The following GALNT13 variants were observed in gnomAD, a reference collection of about 807,000 sequenced individuals.
The protein encoded by GALNT13 is UDP-GalNAc:polypeptide N-acetylgalactosaminyltransferase 13.
Under a neutral mutation model 64.2 loss-of-function variants are expected in GALNT13, and 28 were observed. The ratio of observed to expected loss-of-function variants is 0.44; its 90% CI spans 0.32 to 0.60. The LOEUF (loss-of-function observed/expected upper bound fraction) is 0.60. Among genes scored for constraint, GALNT13 ranks in the 20% least tolerant of loss-of-function variants. The pLI, the probability that GALNT13 is intolerant of heterozygous loss-of-function variation, is 0.05. For missense variants in GALNT13, 577 were observed against 669.8 expected (o/e 0.86, Z 1.53); for synonymous variants, 214 against 224.6 (o/e 0.95, Z 0.42).
the GALNT13 span, among the ~76,000 whole-genome samples, chr2:153,734,715 A>G: frequency 2.0e-5 from 3 of 152,148 alleles, no homozygotes; most frequent in East Asian, 5.8e-4. Flanking sequence ...TCCTCCCTAG[A>G]CTGTGACTCT....
intron 4 of GALNT13, among the ~76,000 whole-genome samples, chr2:154,144,538 A>T (rs976462745): frequency 6.6e-6 from 1 of 152,182 alleles, no homozygotes; most frequent in Non-Finnish European, 1.5e-5. Context: ...ACTTGAGTTG[A>T]TACTTAGAAA....
At chr2:153,426,487 A>G in the GALNT13 span, among the ~76,000 whole-genome samples, 1 of 152,004 alleles carries the variant, frequency 6.6e-6, no homozygotes. Flanking sequence ...TACAGATTAA[A>G]CTAGTCTTGT....
chr2:154,031,794 G>A (rs1373959523), intron 3 of GALNT13, among the ~76,000 whole-genome samples: 3 of 151,818 alleles, frequency 2.0e-5, no homozygotes, highest in Admixed American at 6.6e-5. Context: ...AGGATAAATA[G>A]ATAAATCCAT....
At chr2:153,472,817 T>G in the GALNT13 span, among the ~76,000 whole-genome samples, 1 of 152,364 alleles carries the variant, frequency 6.6e-6, no homozygotes, top group Non-Finnish European at 1.5e-5. Context: ...TTAGTGTATA[T>G]TGTTATTTAG....
chr2:154,356,202 A>G (rs1425954918), intron 9 of GALNT13, among the ~76,000 whole-genome samples: 2 of 151,994 alleles, frequency 1.3e-5, no homozygotes, highest in Non-Finnish European at 2.9e-5. Context: ...CCTATTAATC[A>G]AGTTAATTTA....
intron 9 of GALNT13, among the ~76,000 whole-genome samples, chr2:154,319,657 T>C (rs2105157836): frequency 6.9e-6 from 1 of 144,676 alleles, no homozygotes; most frequent in African/African-American, 2.5e-5. Context: ...AAAGCAAGAC[T>C]CTGAAAAAAA....
At chr2:153,095,100 C>T in the GALNT13 span, among the ~76,000 whole-genome samples, 1 of 152,104 alleles carries the variant, frequency 6.6e-6, no homozygotes, top group East Asian at 1.9e-4. Context: ...AGTGAACAGG[C>T]AACCTACAGA....
At chr2:154,180,901 G>A (rs1287729522) in intron 4 of GALNT13, among the ~76,000 whole-genome samples, 1 of 152,106 alleles carries the variant, frequency 6.6e-6, no homozygotes, top group African/African-American at 2.4e-5. Flanking sequence ...AGTTTGAACT[G>A]CACTGGTCCA....
At chr2:154,166,891 A>G (rs994412486) in intron 4 of GALNT13, among the ~76,000 whole-genome samples, 5 of 150,722 alleles carry the variant, frequency 3.3e-5, no homozygotes, top group African/African-American at 9.8e-5. Context: ...AAAACCAAAC[A>G]CCGCATGTTC....
At chr2:154,245,230 T>C (rs1020611596) in intron 6 of GALNT13, among the ~76,000 whole-genome samples, 3 of 152,152 alleles carry the variant, frequency 2.0e-5, no homozygotes, top group African/African-American at 4.8e-5. Context: ...TTTGAGGACA[T>C]TTTACTCAGA....
chr2:154,446,665 G>A, intron 12 of GALNT13: 1 of 1,548,628 alleles, frequency 6.5e-7, no homozygotes, highest in Non-Finnish European at 8.7e-7. Context: ...TGTAATGATA[G>A]CACTTTGCAA....
At chr2:153,512,983 T>TA in the GALNT13 span, among the ~76,000 whole-genome samples, 3 of 152,032 alleles carry the variant, frequency 2.0e-5, no homozygotes, top group African/African-American at 7.2e-5. Flanking sequence ...TTTGCTAATT[T>TA]AAAAAAAATT....
chr2:153,809,076 A>G, the GALNT13 span, among the ~76,000 whole-genome samples: 1 of 152,326 alleles, frequency 6.6e-6, no homozygotes, highest in African/African-American at 2.4e-5. Context: ...TTTGTCATCA[A>G]AATGACTCTC....
At chr2:153,930,324 T>A (rs1422203982) in intron 2 of GALNT13, among the ~76,000 whole-genome samples, 1 of 152,188 alleles carries the variant, frequency 6.6e-6, no homozygotes, top group East Asian at 1.9e-4. Flanking sequence ...GCAGAGGCTC[T>A]TTAATTTAAT....
the GALNT13 span, among the ~76,000 whole-genome samples, chr2:153,601,417 A>G: frequency 6.6e-6 from 1 of 151,820 alleles, no homozygotes; most frequent in African/African-American, 2.4e-5. Context: ...AATGATGCCA[A>G]TACTTCTAAT....
chr2:153,163,295 A>C, the GALNT13 span, among the ~76,000 whole-genome samples: 1 of 152,272 alleles, frequency 6.6e-6, no homozygotes, highest in South Asian at 2.1e-4. Context: ...GTAAGTGAGG[A>C]GCCCAAACTG....
the GALNT13 span, among the ~76,000 whole-genome samples, chr2:153,337,207 T>C: frequency 2.6e-5 from 4 of 152,162 alleles, no homozygotes; most frequent in African/African-American, 9.7e-5. Context: ...ATTTGAGATA[T>C]CATAATTTAC....
the GALNT13 span, among the ~76,000 whole-genome samples, chr2:153,544,566 C>T: frequency 5.3e-5 from 8 of 152,266 alleles, no homozygotes; most frequent in East Asian, 1.5e-3. Context: ...CTTAAAAGAT[C>T]ACTTACAAAA....
chr2:154,353,315 A>G (rs1038629367), intron 9 of GALNT13, among the ~76,000 whole-genome samples: 31 of 152,192 alleles, frequency 2.0e-4, no homozygotes, highest in African/African-American at 7.5e-4. Context: ...AAAATGGGGT[A>G]TAACTGAGGT....
Sources: gnomAD v4.1 joint callset for allele counts (sites outside exome capture counted in the v4.1 genomes callset) on GRCh38, gnomAD v4.1.1 for gene constraint, MANE v1.5 for transcripts, NCBI Gene and HGNC (gene_info 2026-07-23, HGNC 2026-07-21) for gene names.